Variants in PTPRD observed in about 807,000 individuals in gnomAD.
PTPRD encodes protein tyrosine phosphatase receptor type D.
Under a neutral mutation model 214.5 loss-of-function variants are expected in PTPRD, and 34 were observed. That is an observed-to-expected ratio of 0.16 (90% CI 0.12 to 0.21). PTPRD has a LOEUF of 0.21. Among genes scored for constraint, PTPRD ranks in the 10% least tolerant of loss-of-function variants. The probability of loss-of-function intolerance (pLI) is 1.00; values close to 1 mark genes in which losing one functional copy is unlikely to be tolerated. For synonymous variants in PTPRD, 1,128 were observed against 845.7 expected (o/e 1.33, Z -5.79); for missense variants, 2,545 against 2,398.7 (o/e 1.06, Z -1.27).
At chr9:10,235,825 C>G (rs952874268) in intron 3 of PTPRD, among the ~76,000 whole-genome samples, 4 of 152,108 alleles carry the variant, frequency 2.6e-5, no homozygotes, top group Admixed American at 1.3e-4. Context: ...AATAGGACCA[C>G]TTAAAACATA....
intron 9 of PTPRD, among the ~76,000 whole-genome samples, chr9:9,218,269 A>G (rs2133221703): frequency 6.6e-6 from 1 of 152,256 alleles, no homozygotes; most frequent in East Asian, 1.9e-4. Context: ...AATCAAGCCT[A>G]TGCAACTCAT....
intron 11 of PTPRD, among the ~76,000 whole-genome samples, chr9:8,766,507 A>T (rs2094761770): frequency 6.6e-6 from 1 of 152,186 alleles, no homozygotes; most frequent in Non-Finnish European, 1.5e-5. Flanking sequence ...AATGATTAAA[A>T]ATTACTATCA....
At chr9:9,979,869 G>T (rs951125402) in intron 4 of PTPRD, among the ~76,000 whole-genome samples, 1 of 152,150 alleles carries the variant, frequency 6.6e-6, no homozygotes, top group Non-Finnish European at 1.5e-5. Context: ...ACATATCAGA[G>T]ATTGGGCACA....
chr9:9,886,235 T>C (rs527934210), intron 5 of PTPRD, among the ~76,000 whole-genome samples: 8 of 152,216 alleles, frequency 5.3e-5, no homozygotes, highest in South Asian at 4.1e-4. Flanking sequence ...CATATCAGAA[T>C]TGCTATATGC....
At chr9:9,020,276 A>G (rs1027496967) in intron 10 of PTPRD, among the ~76,000 whole-genome samples, 4 of 152,210 alleles carry the variant, frequency 2.6e-5, no homozygotes, top group Admixed American at 2.6e-4. Flanking sequence ...CATGAAATGC[A>G]TGTATAAACC....
chr9:9,385,892 G>T (rs1236868295), intron 9 of PTPRD, among the ~76,000 whole-genome samples: 1 of 152,138 alleles, frequency 6.6e-6, no homozygotes, highest in Non-Finnish European at 1.5e-5. Flanking sequence ...TATGACTCCA[G>T]TCTTATGTTC....
At chr9:9,653,988 C>T in intron 7 of PTPRD, among the ~76,000 whole-genome samples, 1 of 152,056 alleles carries the variant, frequency 6.6e-6, no homozygotes, top group East Asian at 1.9e-4. Flanking sequence ...ATATTACAGA[C>T]TTCACTTAGA....
intron 7 of PTPRD, among the ~76,000 whole-genome samples, chr9:9,606,392 A>G (rs891713372): frequency 6.6e-6 from 1 of 152,112 alleles, no homozygotes; most frequent in African/African-American, 2.4e-5. Context: ...AGTGTGTGTT[A>G]GAATAAAATC....
At chr9:10,498,715 A>G (rs1384147658) in intron 2 of PTPRD, among the ~76,000 whole-genome samples, 1 of 151,928 alleles carries the variant, frequency 6.6e-6, no homozygotes, top group Admixed American at 6.6e-5. Flanking sequence ...TTTTCACACC[A>G]ATAAACTTAT....
At chr9:9,935,217 C>G (rs1369056098) in intron 5 of PTPRD, among the ~76,000 whole-genome samples, 3 of 152,048 alleles carry the variant, frequency 2.0e-5, no homozygotes, top group Non-Finnish European at 2.9e-5. Context: ...GTTGGAAGTT[C>G]TGGCCAGGGC....
chr9:10,540,279 C>T (rs959969458), intron 2 of PTPRD, among the ~76,000 whole-genome samples: 1 of 152,114 alleles, frequency 6.6e-6, no homozygotes, highest in African/African-American at 2.4e-5. Flanking sequence ...CTTCCTGCCT[C>T]GGCCTCCCAG....
chr9:9,254,107 T>G (rs763175741), intron 9 of PTPRD, among the ~76,000 whole-genome samples: 1 of 152,074 alleles, frequency 6.6e-6, no homozygotes, highest in East Asian at 1.9e-4. Context: ...CTCAACATAT[T>G]TGAATTAATT....
chr9:10,561,216 T>C lies in PTPRD; in HGVS notation c.-600+51182A>G, dbSNP rs190103342. 2.7e-3 allele frequency among the ~76,000 whole-genome samples: 416 copies of C among 152,314 alleles called. 1 individual carries two copies. The highest frequency in any genetic ancestry group is 9.7e-3 in the African/African-American group (405 of 41,578). ...CTGGGTGAAACTTTAGAGCAGGTTA[T>C]TGACTTTTTCATTTGAAAAGTAGGA... On this transcript the variant is annotated intron_variant, in intron 2 of 45. Transcript: ENST00000381196.
chr9:9,217,391 T>C (rs1000141723), intron 9 of PTPRD, among the ~76,000 whole-genome samples: 1 of 152,174 alleles, frequency 6.6e-6, no homozygotes, highest in African/African-American at 2.4e-5. Flanking sequence ...GAGTTGTTAC[T>C]TTACCAAATC....
rs145703989 is a variant in PTPRD, at chr9:9,450,950, T to TACACACACACACACACAC, written c.-236-53486_-236-53469dup. Among the ~76,000 whole-genome samples the TACACACACACACACACAC allele has an allele frequency of 5.9e-4, 80 of 136,612 alleles. 1 individual carries two copies. The highest frequency in any genetic ancestry group is 7.0e-4 in the South Asian group (3 of 4,260). 89.6% of individuals were successfully genotyped at this position (136,612 alleles called of 152,430 possible). A position where few individuals can be genotyped will look rare whatever the true frequency, so the allele number is the denominator to read the frequency against. ...ACATCTAAGTAAATACATACATACA[T>TACACACACACACACACAC]ACACACACACACACACACACACACA... On this transcript the variant is annotated intron_variant, in intron 8 of 45. Coordinates refer to ENST00000381196, the MANE Select transcript of PTPRD (RefSeq NM_002839.4).
chr9:8,498,631 A>C (rs1053426541), intron 25 of PTPRD, among the ~76,000 whole-genome samples: 1 of 152,156 alleles, frequency 6.6e-6, no homozygotes, highest in Non-Finnish European at 1.5e-5. Context: ...ATTTGAAATA[A>C]ATTTCAAATG....
chr9:9,644,454 G>C (rs1174640464), intron 7 of PTPRD, among the ~76,000 whole-genome samples: 1 of 152,004 alleles, frequency 6.6e-6, no homozygotes. Flanking sequence ...CAAATTATTT[G>C]GTCTGAATAA....
chr9:9,485,603 C>T (rs911134106), intron 8 of PTPRD, among the ~76,000 whole-genome samples: 4 of 152,236 alleles, frequency 2.6e-5, no homozygotes, highest in Admixed American at 2.0e-4. Flanking sequence ...AAAGAAATTA[C>T]GTGATCAAAT....
At chr9:10,601,375 A>C (rs926293815) in intron 2 of PTPRD, among the ~76,000 whole-genome samples, 1 of 151,680 alleles carries the variant, frequency 6.6e-6, no homozygotes, top group Non-Finnish European at 1.5e-5. Context: ...ACTGTGCTAA[A>C]TGTGGAGGCT....
Sources: gnomAD v4.1 joint callset for allele counts (sites outside exome capture counted in the v4.1 genomes callset) on GRCh38, gnomAD v4.1.1 for gene constraint, MANE v1.5 for transcripts, NCBI Gene and HGNC (gene_info 2026-07-23, HGNC 2026-07-21) for gene names.